Variants in PARD3B observed in about 807,000 individuals in gnomAD.
PARD3B encodes par-3 family cell polarity regulator beta.
A neutral mutation model predicts 130.2 loss-of-function variants in PARD3B; 103 were observed. That is an observed-to-expected ratio of 0.79 (90% CI 0.67 to 0.93). The LOEUF is 0.93. Ranked by LOEUF, PARD3B falls within the 40% of genes least tolerant of loss-of-function variation. PARD3B has a pLI of 0.00. For synonymous variants in PARD3B, 583 were observed against 553.2 expected, an observed-to-expected ratio of 1.05 and a Z score of -0.76; for missense variants, 1,609 against 1,499.2, an observed-to-expected ratio of 1.07 and a Z score of -1.21.
intron 15 of PARD3B, among the ~76,000 whole-genome samples, chr2:205,215,758 A>G (rs2125858529): frequency 6.6e-6 from 1 of 152,240 alleles, no homozygotes; most frequent in African/African-American, 2.4e-5. Context: ...TCTTCTACCC[A>G]GTAATTCTAT....
chr2:204,920,612 A>G (rs752134765), intron 2 of PARD3B, among the ~76,000 whole-genome samples: 17 of 152,172 alleles, frequency 1.1e-4, no homozygotes, highest in African/African-American at 2.4e-4. Context: ...CAAGCATTCA[A>G]TTTTTGCATT....
At chr2:204,737,648 C>G (rs940420633) in intron 2 of PARD3B, among the ~76,000 whole-genome samples, 1 of 152,114 alleles carries the variant, frequency 6.6e-6, no homozygotes, top group Non-Finnish European at 1.5e-5. Flanking sequence ...AATTCTTTGC[C>G]TAGGCCAGTG....
At chr2:205,324,843 G>A (rs570322552) in intron 18 of PARD3B, among the ~76,000 whole-genome samples, 5 of 152,034 alleles carry the variant, frequency 3.3e-5, no homozygotes, top group African/African-American at 1.2e-4. Context: ...CTTACTAAAC[G>A]GTTTTCCCAG....
At chr2:205,323,881 A>G (rs546984341) in intron 18 of PARD3B, among the ~76,000 whole-genome samples, 24 of 152,314 alleles carry the variant, frequency 1.6e-4, no homozygotes, top group African/African-American at 5.5e-4. Flanking sequence ...GCTAGATCCC[A>G]TCAAGTGTAA....
At chr2:205,514,251 T>C (rs1035276989) in intron 21 of PARD3B, among the ~76,000 whole-genome samples, 3 of 152,186 alleles carry the variant, frequency 2.0e-5, no homozygotes, top group East Asian at 1.9e-4. Context: ...TTGCATAGGA[T>C]ATATCAAAGG....
At chr2:205,222,108 G>GA (rs202034800) in intron 15 of PARD3B, among the ~76,000 whole-genome samples, 10 of 144,216 alleles carry the variant, frequency 6.9e-5, no homozygotes, top group East Asian at 4.0e-4. Flanking sequence ...CTTAAAAGTT[G>GA]AAAAAAAAAT....
intron 2 of PARD3B, among the ~76,000 whole-genome samples, chr2:204,781,084 G>T (rs1178357905): frequency 6.6e-6 from 1 of 152,076 alleles, no homozygotes; most frequent in African/African-American, 2.4e-5. Context: ...CATTGGTAGG[G>T]TGGATTTCAG....
intron 1 of PARD3B, among the ~76,000 whole-genome samples, chr2:204,566,821 G>A (rs1310095083): frequency 6.6e-6 from 1 of 150,432 alleles, no homozygotes; most frequent in Non-Finnish European, 1.5e-5. Flanking sequence ...ATCTTTTTTA[G>A]TATCTTTAGG....
chr2:205,440,784 G>A lies in PARD3B; in HGVS notation c.3044+112G>A. 1 of 1,130,494 alleles carries A rather than the reference G, an allele frequency of 8.8e-7. No individual in the cohort carries two copies. Among genetic ancestry groups the A allele is most frequent in the South Asian group, 1.6e-5 (1 of 63,000 alleles). The allele number at this position is 1,130,494 out of a possible 1,614,324, so 70.0% of individuals were successfully genotyped here. The stretch of plus-strand genomic sequence containing the variant: ...CTTCAATCAATTAAAACTGAAACGA[G>A]TCAGTACCCTAGACAAGTGCCATCC... On this transcript the variant is annotated intron_variant, in intron 20 of 22. Coordinates refer to ENST00000406610, the MANE Select transcript of PARD3B (RefSeq NM_001302769.2). The surrounding 1 kb of genome is among the most constrained non-coding windows in gnomAD (Gnocchi z 4.2).
intron 18 of PARD3B, among the ~76,000 whole-genome samples, chr2:205,400,358 A>T (rs1316189271): frequency 6.6e-6 from 1 of 152,086 alleles, no homozygotes; most frequent in African/African-American, 2.4e-5. Context: ...CATTTTAAAG[A>T]AAGTCCTGGC....
chr2:204,630,762 T>C (rs1311583745), intron 1 of PARD3B, among the ~76,000 whole-genome samples: 2 of 152,170 alleles, frequency 1.3e-5, no homozygotes, highest in African/African-American at 2.4e-5. Flanking sequence ...ATAGAGATAA[T>C]ATAATATTCT....
chr2:205,220,999 C>G (rs2038208620), intron 15 of PARD3B, among the ~76,000 whole-genome samples: 1 of 152,132 alleles, frequency 6.6e-6, no homozygotes, highest in African/African-American at 2.4e-5. Context: ...GGATTTTCTT[C>G]TAAATGTGGT....
chr2:205,550,953 G>GTGTGTGTGTA lies in PARD3B; in HGVS notation c.3181-2368_3181-2367insGTGTGTATGT, dbSNP rs2052606059. 8.0e-5 allele frequency among the ~76,000 whole-genome samples: 4 copies of GTGTGTGTGTA among 49,866 alleles called. No individual in the cohort carries two copies. The highest frequency in any genetic ancestry group is 4.5e-5 in the Non-Finnish European group (1 of 22,344). 32.7% of individuals were successfully genotyped at this position (49,866 alleles called of 152,430 possible). A position where few individuals can be genotyped will look rare whatever the true frequency, so the allele number is the denominator to read the frequency against. Reference sequence around the variant, plus strand: ...TGTGTGTGTGTGTGTATATATATATGTGTATATATATATATATATATATAC... The same window carrying GTGTGTGTGTA: ...TGTGTGTGTGTGTGTATATATATATGTGTGTGTGTATGTATATATATATATATATATATAC... On this transcript the variant is annotated intron_variant, in intron 21 of 22. Coordinates refer to ENST00000406610, the MANE Select transcript of PARD3B (RefSeq NM_001302769.2). This position sits in a 1 kb window ranked among gnomAD's most constrained non-coding sequence, Gnocchi z 4.5.
intron 15 of PARD3B, among the ~76,000 whole-genome samples, chr2:205,211,697 G>T (rs1422082161): frequency 6.6e-6 from 1 of 151,998 alleles, no homozygotes; most frequent in Non-Finnish European, 1.5e-5. Flanking sequence ...TCCAATGAAG[G>T]TATAAAAATT....
intron 2 of PARD3B, among the ~76,000 whole-genome samples, chr2:204,874,490 G>A (rs979894372): frequency 6.6e-6 from 1 of 152,030 alleles, no homozygotes; most frequent in Non-Finnish European, 1.5e-5. Context: ...AGAGAAGGGA[G>A]GCCTAACTGT....
chr2:204,893,631 G>A (rs1043244718), intron 2 of PARD3B, among the ~76,000 whole-genome samples: 3 of 152,114 alleles, frequency 2.0e-5, no homozygotes, highest in Non-Finnish European at 4.4e-5. Flanking sequence ...ATTTAACTCA[G>A]TATATCCACA....
In PARD3B at chr2:205,230,681, G is replaced by A. The variant is rs1005150911; in HGVS notation, c.2141-15097G>A. On this transcript the variant is annotated intron_variant, in intron 15 of 22. Transcript: ENST00000406610. This position sits in a 1 kb window ranked among gnomAD's most constrained non-coding sequence, Gnocchi z 4.1. The stretch of plus-strand genomic sequence containing the variant: ...TACCCCCCAAGTCCACTTACTCCAA[G>A]CCCAGCACAGCATCAAGACTTGCCC... 1.3e-5 allele frequency among the ~76,000 whole-genome samples: 2 copies of A among 152,108 alleles called. No individual in the cohort carries two copies. Among genetic ancestry groups the A allele is most frequent in the Non-Finnish European group, 2.9e-5 (2 of 68,016 alleles).
chr2:204,938,562 A>G (rs2125795228), intron 2 of PARD3B, among the ~76,000 whole-genome samples: 1 of 152,342 alleles, frequency 6.6e-6, no homozygotes, highest in Non-Finnish European at 1.5e-5. Flanking sequence ...CAACACTTAA[A>G]AAATTCTATA....
intron 20 of PARD3B, among the ~76,000 whole-genome samples, chr2:205,476,890 C>T (rs1174549866): frequency 1.3e-5 from 2 of 152,148 alleles, no homozygotes; most frequent in Admixed American, 1.3e-4. Context: ...ACAGCATTGA[C>T]ATTTTGTATT....
Sources: gnomAD v4.1 joint callset for allele counts (sites outside exome capture counted in the v4.1 genomes callset) on GRCh38, gnomAD v4.1.1 for gene constraint, Gnocchi (gnomAD v3.1) non-coding constraint, MANE v1.5 for transcripts, NCBI Gene and HGNC (gene_info 2026-07-23, HGNC 2026-07-21) for gene names.